The following KIF11 variants were observed in gnomAD, a reference collection of about 807,000 sequenced individuals.
The protein encoded by KIF11 is kinesin-like protein KIF11.
KIF11 carries 9 observed loss-of-function variants against 121.0 expected under a neutral mutation model. That is an observed-to-expected ratio of 0.07 (90% CI 0.04 to 0.13). The LOEUF (loss-of-function observed/expected upper bound fraction) is 0.13. KIF11 is among the 10% of genes least tolerant of loss of function. The pLI, the probability that KIF11 is intolerant of heterozygous loss-of-function variation, is 1.00. For missense variants in KIF11, 846 were observed against 1,217.5 expected (o/e 0.69, Z 4.54); for synonymous variants, 408 against 421.0 (o/e 0.97, Z 0.38).
chr10:92,637,799 A>G (rs1844823492), intron 16 of KIF11, among the ~76,000 whole-genome samples: 3 of 152,230 alleles, frequency 2.0e-5, no homozygotes, highest in Non-Finnish European at 4.4e-5. Context: ...TCTCACATCA[A>G]GATGAAAGAT....
chr10:92,604,905 CAG>C (rs1844411984), intron 1 of KIF11, among the ~76,000 whole-genome samples: 1 of 152,010 alleles, frequency 6.6e-6, no homozygotes, highest in Non-Finnish European at 1.5e-5. Flanking sequence ...TGTAGTTTAA[CAG>C]ATATTTAAGA....
intron 20 of KIF11, among the ~76,000 whole-genome samples, 165 bp from the exon 21 acceptor site, chr10:92,650,236 T>C (rs1170000666): frequency 6.6e-6 from 1 of 152,230 alleles, no homozygotes; most frequent in Non-Finnish European, 1.5e-5. Context: ...TCTATAAAAA[T>C]ATATTAGGAA....
Position 92,614,027 on chromosome 10 carries a change from C to T in KIF11, c.1032+408C>T, listed in dbSNP as rs1388357402. On this transcript the variant is annotated intron_variant, in intron 8 of 21. Coordinates refer to ENST00000260731, the MANE Select transcript of KIF11 (RefSeq NM_004523.4). Reference sequence around the variant, plus strand: ...AAAAAGAAAAGTATGTGTATACACACACACACACACACACACACACACACA... The same window carrying T: ...AAAAAGAAAAGTATGTGTATACACATACACACACACACACACACACACACA... Among the ~76,000 whole-genome samples the T allele has an allele frequency of 0.014, 520 of 37,828 alleles. 7 individuals carry two copies. The East Asian group carries it at 0.16, about 12-fold the overall frequency. The allele number at this position is 37,828 out of a possible 152,430, so 24.8% of individuals were successfully genotyped here.
rs1311359090 is a variant in KIF11 at position 92,609,284 on chromosome 10, G to C, written c.573+79G>C. On this transcript the variant is annotated intron_variant, in intron 5 of 21. Coordinates refer to ENST00000260731, the MANE Select transcript of KIF11 (RefSeq NM_004523.4). ...GAGAAGTCAGAGAGAGAGAGAGAGA[G>C]AGAGAGAGAGAGAGAGAGAGTGTGT... 2.3e-6 allele frequency: 3 copies of C among 1,295,672 alleles called. No individual in the cohort carries two copies. The African/African-American group carries it at 5.3e-5, about 23-fold the overall frequency. 80.3% of individuals were successfully genotyped at this position (1,295,672 alleles called of 1,614,324 possible).
intron 10 of KIF11, among the ~76,000 whole-genome samples, 170 bp from the exon 11 acceptor site, chr10:92,628,631 CTTTGTAA>C (rs1371630958): frequency 6.6e-6 from 1 of 152,074 alleles, no homozygotes; most frequent in Non-Finnish European, 1.5e-5. Flanking sequence ...ATAATTTGTT[CTTTGTAA>C]TTTGTATTTA....
chr10:92,640,738 T>A (rs867491192), intron 17 of KIF11, among the ~76,000 whole-genome samples: 1 of 149,644 alleles, frequency 6.7e-6, no homozygotes, highest in Non-Finnish European at 1.5e-5. Context: ...CTCTGTTTTG[T>A]TTTTTCAGAC....
At chr10:92,596,992 A>G (rs778655030) in intron 1 of KIF11, 17 of 394,580 alleles carry the variant, frequency 4.3e-5, no homozygotes, top group Admixed American at 1.2e-4. Context: ...ATACCAATGC[A>G]TGGGTCACAT....
chr10:92,638,468 C>A (rs112944347), intron 16 of KIF11, among the ~76,000 whole-genome samples: 91 of 152,210 alleles, frequency 6.0e-4, no homozygotes, highest in African/African-American at 2.1e-3. Context: ...TCCCTTAAAC[C>A]CGTTGAGAAC....
chr10:92,642,125 TC>T (rs1425549640), intron 17 of KIF11, among the ~76,000 whole-genome samples: 5 of 152,332 alleles, frequency 3.3e-5, no homozygotes, highest in Admixed American at 2.6e-4. Context: ...ATCTGAGTTT[TC>T]TTGTTGTTGC....
At chr10:92,610,158 C>T (rs1024396500) in intron 6 of KIF11, among the ~76,000 whole-genome samples, 2 of 152,112 alleles carry the variant, frequency 1.3e-5, no homozygotes, top group East Asian at 3.9e-4. Context: ...ACCTCCTTAG[C>T]CTTATGAAGG....
chr10:92,643,392 T>C (rs1844886486), intron 17 of KIF11, among the ~76,000 whole-genome samples: 1 of 152,164 alleles, frequency 6.6e-6, no homozygotes, highest in Admixed American at 6.5e-5. Context: ...ATTTGCTGTT[T>C]CATGTGTAGT....
Position 92,624,438 on chromosome 10 carries a change from C to T in KIF11, c.1217+2965C>T, listed in dbSNP as rs140749939. ...GTAGAGATGGGGTTTCACCATGCAC[C>T]ATGTTGGCCAGGCTGGTCTTGAATT... is the stretch of plus-strand genomic sequence containing the variant. On this transcript the variant is annotated intron_variant, in intron 10 of 21. Coordinates refer to ENST00000260731, the MANE Select transcript of KIF11 (RefSeq NM_004523.4). 8.8e-3 allele frequency among the ~76,000 whole-genome samples: 1,333 copies of T among 151,642 alleles called. 19 individuals are homozygous for T. Among genetic ancestry groups the T allele is most frequent in the African/African-American group, 0.031 (1,282 of 41,342 alleles).
chr10:92,645,950 C>CTT (rs33915127), intron 18 of KIF11, among the ~76,000 whole-genome samples: 17 of 101,730 alleles, frequency 1.7e-4, no homozygotes, highest in East Asian at 6.4e-4. Flanking sequence ...CTTATATATG[C>CTT]TTTTTTTTTT....
chr10:92,650,330 A>G (rs1030596804), intron 20 of KIF11, 71 bp from the exon 21 acceptor site: 8 of 850,120 alleles, frequency 9.4e-6, no homozygotes, highest in Non-Finnish European at 1.2e-5. Context: ...TGTTATACTC[A>G]AAGCTGCTGT....
chr10:92,611,265 T>A (rs1433815925), intron 6 of KIF11, among the ~76,000 whole-genome samples: 1 of 151,848 alleles, frequency 6.6e-6, no homozygotes, highest in Non-Finnish European at 1.5e-5. Context: ...CAGGCTGGAG[T>A]GAAGTGATGC....
At chr10:92,642,578 AT>A (rs540250285) in intron 17 of KIF11, among the ~76,000 whole-genome samples, 6 of 152,010 alleles carry the variant, frequency 3.9e-5, no homozygotes, top group East Asian at 3.9e-4. Context: ...AGATTTATCT[AT>A]TTTTTTTATT....
At chr10:92,649,745 A>G in intron 19 of KIF11, 90 bp from the exon 20 acceptor site, 1 of 824,424 alleles carries the variant, frequency 1.2e-6, no homozygotes, top group African/African-American at 1.7e-5. Flanking sequence ...TATTTTTAGA[A>G]GACAAGATTA....
intron 21 of KIF11, among the ~76,000 whole-genome samples, chr10:92,652,729 G>A (rs192666641): frequency 2.6e-5 from 4 of 152,318 alleles, no homozygotes; most frequent in South Asian, 2.1e-4. Flanking sequence ...GTCAGAAATC[G>A]TTTTATTATT....
chr10:92,630,119 T>A, intron 11 of KIF11, 57 bp from the exon 12 acceptor site: 3 of 876,592 alleles, frequency 3.4e-6, no homozygotes, highest in East Asian at 5.8e-5. Context: ...TCTAATCTTA[T>A]GAACTAGCTA....
Sources: allele counts gnomAD v4.1 joint callset (sites outside exome capture counted in the v4.1 genomes callset), GRCh38; gene constraint gnomAD v4.1.1; transcripts MANE v1.5; gene names NCBI Gene and HGNC (gene_info 2026-07-23, HGNC 2026-07-21).